GCH1: variants seen among roughly 807,000 people sequenced by gnomAD.
GCH1 encodes GTP cyclohydrolase I.
Under a neutral mutation model 25.9 loss-of-function variants are expected in GCH1, and 5 were observed. The ratio of observed to expected loss-of-function variants is 0.19; its 90% CI spans 0.10 to 0.41. GCH1 has a LOEUF of 0.41. Ranked by LOEUF, GCH1 falls within the 10% of genes least tolerant of loss-of-function variation. The pLI, the probability that GCH1 is intolerant of heterozygous loss-of-function variation, is 1.00. For synonymous variants in GCH1, 159 were observed against 129.6 expected (o/e 1.23, Z -1.54); for missense variants, 261 against 336.5 (o/e 0.78, Z 1.75).
At position 54,893,675 on chromosome 14, in the gene GCH1, C is replaced by T. The variant is rs186356632; in HGVS notation, c.343+8646G>A. Among the ~76,000 whole-genome samples the T allele has an allele frequency of 5.3e-5, 8 of 152,322 alleles. No homozygotes were observed. In the East Asian group the frequency reaches 1.5e-3, roughly 29 times the overall value. ...GAAAGTTCTCTCTGTGCCCCAATTTCCTTATGTATAAAATGGGAATAATAT... is the reference window on the plus strand; with the variant it reads ...GAAAGTTCTCTCTGTGCCCCAATTTTCTTATGTATAAAATGGGAATAATAT... On this transcript the variant is annotated intron_variant, in intron 1 of 5. Transcript: ENST00000491895.
intron 1 of GCH1, among the ~76,000 whole-genome samples, chr14:54,871,871 T>C (rs1389444921): frequency 4.6e-5 from 7 of 152,316 alleles, no homozygotes; most frequent in African/African-American, 9.6e-5. Flanking sequence ...CTATATCTGA[T>C]TGGTGTACCT....
chr14:54,886,394 C>T (rs578160602), intron 1 of GCH1, among the ~76,000 whole-genome samples: 28 of 152,118 alleles, frequency 1.8e-4, no homozygotes, highest in Middle Eastern at 3.4e-3. Context: ...CGGTGGATCA[C>T]GAGGTCAGGA....
rs1370156826 is a variant in GCH1, at chr14:54,902,783, C to T, written c.-120G>A. 4 of 1,303,306 alleles carry T rather than the reference C, an allele frequency of 3.1e-6. No individual in the cohort carries two copies. The highest frequency in any genetic ancestry group is 3.9e-6 in the Non-Finnish European group (4 of 1,018,854). The allele number at this position is 1,303,306 out of a possible 1,614,324, so 80.7% of individuals were successfully genotyped here. On this transcript the variant is annotated 5_prime_UTR_variant, in exon 1 of 6. Coordinates refer to ENST00000491895, the MANE Select transcript of GCH1 (RefSeq NM_000161.3). ...GCCGGAGTCACCTGAGGAAGGTACG[C>T]AACCTGCTTAGATCACACTCCGAGC...
intron 1 of GCH1, among the ~76,000 whole-genome samples, chr14:54,883,371 CAAAAAAAAAAAAAAAA>C (rs59191993): frequency 1.8e-5 from 1 of 55,218 alleles, no homozygotes; most frequent in Non-Finnish European, 3.5e-5. Flanking sequence ...GACTCCGACT[CAAAAAAAAAAAAAAAA>C]AAAAAAAAAA....
At chr14:54,886,599 G>A (rs1424627901) in intron 1 of GCH1, among the ~76,000 whole-genome samples, 4 of 152,256 alleles carry the variant, frequency 2.6e-5, no homozygotes, top group African/African-American at 7.2e-5. Context: ...GTGACAGAGT[G>A]AAACTGTCTC....
intron 1 of GCH1, among the ~76,000 whole-genome samples, chr14:54,902,016 C>T (rs907636264): frequency 6.6e-6 from 1 of 152,174 alleles, no homozygotes; most frequent in African/African-American, 2.4e-5. Context: ...GAGAGGGCTC[C>T]GGGCTCCCGT....
chr14:54,896,668 T>C (rs1199402572), intron 1 of GCH1, among the ~76,000 whole-genome samples: 1 of 151,732 alleles, frequency 6.6e-6, no homozygotes, highest in Non-Finnish European at 1.5e-5. Flanking sequence ...ATCCCAGCAC[T>C]TTGGGAGGCC....
chr14:54,858,737 A>T (rs2039851835), intron 3 of GCH1, among the ~76,000 whole-genome samples: 1 of 151,978 alleles, frequency 6.6e-6, no homozygotes, highest in Admixed American at 6.6e-5. Flanking sequence ...ACACACACAC[A>T]CACCTCCCAG....
chr14:54,860,944 T>C (rs2039887891), intron 2 of GCH1, among the ~76,000 whole-genome samples: 1 of 152,182 alleles, frequency 6.6e-6, no homozygotes, highest in South Asian at 2.1e-4. Flanking sequence ...GCCAGGCCAT[T>C]TCTGTTATCT....
At chr14:54,844,934 G>T (rs1471037411) in intron 5 of GCH1, among the ~76,000 whole-genome samples, 1 of 152,222 alleles carries the variant, frequency 6.6e-6, no homozygotes, top group Admixed American at 6.5e-5. Flanking sequence ...TATTTTGGGA[G>T]GCTGAGGTGG....
chr14:54,865,677 G>A (rs1239906012), intron 1 of GCH1, among the ~76,000 whole-genome samples: 2 of 152,164 alleles, frequency 1.3e-5, no homozygotes, highest in Non-Finnish European at 2.9e-5. Flanking sequence ...CATATTTGCA[G>A]TATGGAAGAG....
intron 3 of GCH1, among the ~76,000 whole-genome samples, chr14:54,848,878 T>C (rs573542949): frequency 6.6e-6 from 1 of 152,378 alleles, no homozygotes; most frequent in East Asian, 1.9e-4. Context: ...GTCATATTTC[T>C]TACTAGGTCA....
intron 2 of GCH1, among the ~76,000 whole-genome samples, chr14:54,863,601 T>G (rs913218978): frequency 7.1e-6 from 1 of 140,578 alleles, no homozygotes; most frequent in Non-Finnish European, 1.5e-5. Context: ...GATATAACAA[T>G]GAAAATAAAC....
chr14:54,857,870 C>G (rs1264329221), intron 3 of GCH1, among the ~76,000 whole-genome samples: 1 of 152,208 alleles, frequency 6.6e-6, no homozygotes, highest in Non-Finnish European at 1.5e-5. Flanking sequence ...CACACGCAAG[C>G]AGCCAGAATG....
rs1474519447 is a variant in GCH1 at position 54,845,765 on chromosome 14, T to TA, written c.626+2dup. ...ACGTTACTAAAGGCAGATGCAGACT[T>TA]ACGTTGCTTCAACCACTACCCCGAC... On this transcript the variant is annotated splice_region_variant and intron_variant, in intron 5 of 5. Transcript: ENST00000491895. 6.5e-7 allele frequency: 1 copy of TA among 1,531,386 alleles called. No homozygotes were observed. Among genetic ancestry groups the TA allele is most frequent in the African/African-American group, 1.4e-5 (1 of 73,302 alleles). 94.9% of individuals were successfully genotyped at this position (1,531,386 alleles called of 1,614,324 possible). A position where few individuals can be genotyped will look rare whatever the true frequency, so the allele number is the denominator to read the frequency against.
rs193173177 is a variant in GCH1, at chr14:54,845,251, G to A, written c.626+517C>T. Among the ~76,000 whole-genome samples the A allele has an allele frequency of 2.9e-3, 443 of 152,018 alleles. 12 individuals carry two copies. In the South Asian group the frequency reaches 0.041, roughly 14 times the overall value. On this transcript the variant is annotated intron_variant, in intron 5 of 5. Transcript: ENST00000491895. Reference sequence around the variant, plus strand: ...TCCTAGCACTTTGGGAGGCCGTGACGGGTGGATCATGAGGTCAGGAGTTCG... The same window carrying A: ...TCCTAGCACTTTGGGAGGCCGTGACAGGTGGATCATGAGGTCAGGAGTTCG...
At chr14:54,888,800 G>A (rs1345572606) in intron 1 of GCH1, among the ~76,000 whole-genome samples, 6 of 151,906 alleles carry the variant, frequency 3.9e-5, no homozygotes, top group Admixed American at 1.3e-4. Context: ...TGGGATTACA[G>A]GCATGAGCCA....
At chr14:54,880,083 G>A (rs1438926253) in intron 1 of GCH1, among the ~76,000 whole-genome samples, 1 of 149,858 alleles carries the variant, frequency 6.7e-6, no homozygotes, top group Admixed American at 6.7e-5. Context: ...GGAGGTTGCA[G>A]TGAGCCAAGA....
In GCH1 at chr14:54,865,055, AG is replaced by A. The variant is rs1487813874; in HGVS notation, c.453+271del. 6.8e-3 allele frequency among the ~76,000 whole-genome samples: 999 copies of A among 145,890 alleles called. 10 individuals are homozygous for A. Among genetic ancestry groups the A allele is most frequent in the African/African-American group, 0.023 (921 of 39,988 alleles). ...CTGTAGTAGCTACAAAAAAAAAAAAAGAGAGAGAGAGATGCTACTTAAACCT... is the reference window on the plus strand; with the variant it reads ...CTGTAGTAGCTACAAAAAAAAAAAAAAGAGAGAGAGATGCTACTTAAACCT... On this transcript the variant is annotated intron_variant, in intron 2 of 5. Coordinates refer to ENST00000491895, the MANE Select transcript of GCH1 (RefSeq NM_000161.3).
Sources: allele counts gnomAD v4.1 joint callset (sites outside exome capture counted in the v4.1 genomes callset), GRCh38; gene constraint gnomAD v4.1.1; transcripts MANE v1.5; gene names NCBI Gene and HGNC (gene_info 2026-07-23, HGNC 2026-07-21).